Variants in ANKRD50 observed in about 807,000 individuals in gnomAD.
The protein encoded by ANKRD50 is ankyrin repeat domain-containing protein 50.
In ANKRD50, 40 loss-of-function variants were observed where a neutral mutation model predicts 112.0. The observed-to-expected ratio is 0.36, with a 90% confidence interval of 0.28 to 0.46. ANKRD50 has a LOEUF of 0.46. ANKRD50 is among the 20% of genes least tolerant of loss of function. The probability of loss-of-function intolerance (pLI) is 1.00; values close to 1 mark genes in which losing one functional copy is unlikely to be tolerated. For synonymous variants in ANKRD50, 613 were observed against 619.1 expected (o/e 0.99, Z 0.15); for missense variants, 1,487 against 1,701.7 (o/e 0.87, Z 2.22).
At position 124,671,546 on chromosome 4, in the gene ANKRD50, A is replaced by G. The variant is rs1231328096; in HGVS notation, c.1731T>C (p.His577=). 6.2e-6 allele frequency: 10 copies of G among 1,613,820 alleles called. No homozygotes were observed. Among genetic ancestry groups the G allele is most frequent in the Non-Finnish European group, 7.6e-6 (9 of 1,179,838 alleles). ...RGADLEIEDA[H]GHTPLTLAAR... is the part of the protein sequence containing the mutation. ...CCGCTAGAGTGAGTGGTGTATGTCCATGAGCATCTTCTATCTCTAAATCTG... is the reference window on the plus strand; with the variant it reads ...CCGCTAGAGTGAGTGGTGTATGTCCGTGAGCATCTTCTATCTCTAAATCTG... Residue 577 remains histidine, a synonymous_variant, in exon 4 of 5, where the codon CAT becomes CAC. Transcript: ENST00000504087.
At chr4:124,695,986 T>C (rs1479834063) in intron 2 of ANKRD50, among the ~76,000 whole-genome samples, 4 of 152,106 alleles carry the variant, frequency 2.6e-5, no homozygotes, top group Admixed American at 1.3e-4. Context: ...CTATCAGATA[T>C]AAAATAAAAA....
intron 2 of ANKRD50, among the ~76,000 whole-genome samples, chr4:124,701,194 C>T (rs1725381976): frequency 6.6e-6 from 1 of 152,064 alleles, no homozygotes; most frequent in Non-Finnish European, 1.5e-5. Context: ...AACTCCTGAC[C>T]TCAGGTGATC....
chr4:124,695,024 A>AT (rs200522225), intron 2 of ANKRD50, among the ~76,000 whole-genome samples: 4,667 of 152,274 alleles, frequency 0.031, 106 homozygotes, highest in Middle Eastern at 0.071. Context: ...TATAAAGTTA[A>AT]TTTTTTTAAA....
intron 2 of ANKRD50, among the ~76,000 whole-genome samples, chr4:124,684,762 G>C (rs1724970495): frequency 6.6e-6 from 1 of 152,112 alleles, no homozygotes; most frequent in Non-Finnish European, 1.5e-5. Flanking sequence ...TTCTTGCCTT[G>C]AAGTTATTCC....
Position 124,670,956 on chromosome 4 carries a change from A to G in ANKRD50, c.2321T>C (p.Val774Ala). The change falls in exon 4 of 5, where the codon GTA (valine) becomes GCA (alanine). Residue 774 changes from valine (V) to alanine (A), a missense_variant. Physicochemically the swap from Val to Ala is moderately conservative, Grantham distance 64. This residue lies in a region of ANKRD50 where 1,046 missense variants were observed against 1,269.5 expected (regional missense o/e 0.82). Coordinates refer to ENST00000504087, the MANE Select transcript of ANKRD50 (RefSeq NM_020337.3). ...ACGGCCATTGTTATCTGTGTGATCTACATCTGCTCCCCCTTCTAGAAGCAA... is the reference window on the plus strand; with the variant it reads ...ACGGCCATTGTTATCTGTGTGATCTGCATCTGCTCCCCCTTCTAGAAGCAA... ...VDLLLEGGAD[V>A]DHTDNNGRTP... 6.2e-7 allele frequency: 1 copy of G among 1,613,882 alleles called. No homozygotes were observed. The highest frequency in any genetic ancestry group is 8.5e-7 in the Non-Finnish European group (1 of 1,179,880).
chr4:124,675,738 G>A (rs966518139), intron 3 of ANKRD50, among the ~76,000 whole-genome samples: 2 of 151,638 alleles, frequency 1.3e-5, no homozygotes, highest in African/African-American at 2.4e-5. Flanking sequence ...ATCTTGGAGG[G>A]TTAATTTTTT....
intron 2 of ANKRD50, among the ~76,000 whole-genome samples, chr4:124,699,221 C>G (rs1725329067): frequency 6.9e-6 from 1 of 144,060 alleles, no homozygotes. Flanking sequence ...TTCTTTAAAA[C>G]AAGACAGAAA....
chr4:124,682,322 C>CAAAAAA (rs36107017), intron 2 of ANKRD50, among the ~76,000 whole-genome samples: 4 of 87,586 alleles, frequency 4.6e-5, no homozygotes, highest in Non-Finnish European at 7.0e-5. Context: ...GACTCCGTCT[C>CAAAAAA]AAAAAAAAAA....
chr4:124,701,589 G>A (rs962088972), intron 2 of ANKRD50, among the ~76,000 whole-genome samples: 2 of 152,074 alleles, frequency 1.3e-5, no homozygotes, highest in Admixed American at 1.3e-4. Flanking sequence ...AATAGATACA[G>A]GTTTGAAATT....
chr4:124,708,248 T>C (rs1279096563), intron 2 of ANKRD50, among the ~76,000 whole-genome samples: 1 of 152,168 alleles, frequency 6.6e-6, no homozygotes, highest in African/African-American at 2.4e-5. Flanking sequence ...ATTTATTCTG[T>C]ACAGTGATTC....
At chr4:124,690,388 T>C (rs1725108696) in intron 2 of ANKRD50, among the ~76,000 whole-genome samples, 1 of 152,250 alleles carries the variant, frequency 6.6e-6, no homozygotes, top group South Asian at 2.1e-4. Context: ...AGCTGCATTA[T>C]ATAAATTACC....
At chr4:124,705,837 G>A (rs1008027145) in intron 2 of ANKRD50, among the ~76,000 whole-genome samples, 1 of 152,128 alleles carries the variant, frequency 6.6e-6, no homozygotes, top group Non-Finnish European at 1.5e-5. Context: ...CCTAAAGTGG[G>A]AGGCAGAATT....
chr4:124,701,215 G>A (rs1057369001), intron 2 of ANKRD50, among the ~76,000 whole-genome samples: 23 of 152,066 alleles, frequency 1.5e-4, no homozygotes, highest in Middle Eastern at 3.4e-3. Context: ...TGCCCGCCTC[G>A]GCCTCCCAAA....
chr4:124,676,262 TTAA>T (rs1379401004), intron 3 of ANKRD50, among the ~76,000 whole-genome samples: 1 of 151,744 alleles, frequency 6.6e-6, no homozygotes, highest in Admixed American at 6.6e-5. Context: ...TATCAAAATC[TTAA>T]TAATTTTTTG....
At chr4:124,683,904 C>CTTTTTTTTTT (rs5861676) in intron 2 of ANKRD50, among the ~76,000 whole-genome samples, 2 of 111,790 alleles carry the variant, frequency 1.8e-5, no homozygotes, top group East Asian at 2.6e-4. Context: ...ATACATCAGT[C>CTTTTTTTTTT]TTTTTTTTTT....
chr4:124,670,101 T>C lies in ANKRD50; in HGVS notation c.3176A>G (p.Asp1059Gly), dbSNP rs1318751522. ...ATGCTCTAATAAGACCTGAACAACA[T>C]CAATGTGCCCTTCCTGGGCTGCAAT... is the stretch of plus-strand genomic sequence containing the variant. The part of the protein sequence containing the change: ...LCIAAQEGHI[D>G]VVQVLLEHGA... The change falls in exon 4 of 5, where the codon GAT becomes GGT. Residue 1059 changes from aspartate to glycine, a missense_variant. Around this residue, in one of 2 missense-constraint regions of ANKRD50, gnomAD observed 441 missense variants for 432.2 expected, o/e 1.02. Coordinates refer to ENST00000504087, the MANE Select transcript of ANKRD50 (RefSeq NM_020337.3). 6.2e-7 allele frequency: 1 copy of C among 1,613,472 alleles called. No individual in the cohort carries two copies. The highest frequency in any genetic ancestry group is 1.7e-5 in the Admixed American group (1 of 59,854).
At chr4:124,703,473 T>C (rs1324229432) in intron 2 of ANKRD50, among the ~76,000 whole-genome samples, 8 of 152,092 alleles carry the variant, frequency 5.3e-5, no homozygotes, top group Non-Finnish European at 1.0e-4. Flanking sequence ...AAAACATATT[T>C]GTCCTTGAAA....
chr4:124,667,116 T>G lies in ANKRD50; in HGVS notation c.*402A>C, dbSNP rs1027843329. The G allele has an allele frequency of 6.6e-6, 1 of 151,934 alleles. No homozygotes were observed. The highest frequency in any genetic ancestry group is 2.4e-5 in the African/African-American group (1 of 41,394). The allele number at this position is 151,934 out of a possible 1,614,324, so 9.4% of individuals were successfully genotyped here. A position where few individuals can be genotyped will look rare whatever the true frequency, so the allele number is the denominator to read the frequency against. On this transcript the variant is annotated 3_prime_UTR_variant, in exon 5 of 5. Transcript: ENST00000504087. ...TGAAACAGTATGTTTAAGTTTCTTT[T>G]GCCACAAAAAGAAAAAAAAATAAAT...
chr4:124,689,694 C>G (rs1485870080), intron 2 of ANKRD50, among the ~76,000 whole-genome samples: 1 of 152,194 alleles, frequency 6.6e-6, no homozygotes, highest in Non-Finnish European at 1.5e-5. Flanking sequence ...TCTCCTGATT[C>G]TCAGGCCTCT....
Sources: gnomAD v4.1 joint callset for allele counts (sites outside exome capture counted in the v4.1 genomes callset) on GRCh38, gnomAD v4.1.1 for gene constraint, gnomAD v4.1.1 regional missense constraint, MANE v1.5 for transcripts, NCBI Gene and HGNC (gene_info 2026-07-23, HGNC 2026-07-21) for gene names.